The following SORCS3 variants were observed in gnomAD, a reference collection of about 807,000 sequenced individuals.
The protein encoded by SORCS3 is sortilin related VPS10 domain containing receptor 3.
SORCS3 carries 57 observed loss-of-function variants against 146.3 expected under a neutral mutation model. That is an observed-to-expected ratio of 0.39 (90% CI 0.31 to 0.49). The LOEUF (loss-of-function observed/expected upper bound fraction) is 0.49, where lower values mean the gene tolerates loss of function less well. Ranked by LOEUF, SORCS3 falls within the 20% of genes least tolerant of loss-of-function variation. The pLI, the probability that SORCS3 is intolerant of heterozygous loss-of-function variation, is 0.92. For missense variants in SORCS3, 1,341 were observed against 1,575.5 expected (o/e 0.85, Z 2.52); for synonymous variants, 653 against 618.5 (o/e 1.06, Z -0.83).
At chr10:104,902,806 T>C (rs1402361917) in intron 2 of SORCS3, among the ~76,000 whole-genome samples, 3 of 152,212 alleles carry the variant, frequency 2.0e-5, no homozygotes, top group African/African-American at 7.2e-5. Context: ...ATTATGCCCA[T>C]GTTAGATATG....
intron 3 of SORCS3, among the ~76,000 whole-genome samples, chr10:104,941,041 G>A (rs2019315539): frequency 6.6e-6 from 1 of 152,152 alleles, no homozygotes; most frequent in African/African-American, 2.4e-5. Flanking sequence ...CATGGCATTT[G>A]TAAACTGCCA....
At chr10:104,770,660 A>T (rs1221102202) in intron 1 of SORCS3, among the ~76,000 whole-genome samples, 1 of 151,810 alleles carries the variant, frequency 6.6e-6, no homozygotes, top group Non-Finnish European at 1.5e-5. Flanking sequence ...TCTCTACCAA[A>T]AAAATAAAAT....
intron 3 of SORCS3, among the ~76,000 whole-genome samples, chr10:104,934,181 C>A (rs908104562): frequency 6.6e-6 from 1 of 152,092 alleles, no homozygotes. Context: ...ATTCCCAAAG[C>A]GCTATGGCAG....
chr10:105,116,595 C>T (rs1216726616), intron 7 of SORCS3, among the ~76,000 whole-genome samples: 1 of 152,032 alleles, frequency 6.6e-6, no homozygotes, highest in Non-Finnish European at 1.5e-5. Flanking sequence ...ATGTGTTCAT[C>T]ACAGCTTTGT....
intron 7 of SORCS3, among the ~76,000 whole-genome samples, chr10:105,131,402 GA>G (rs2056017360): frequency 1.3e-5 from 2 of 152,112 alleles, no homozygotes; most frequent in South Asian, 4.1e-4. Context: ...CCTCTAACTG[GA>G]AAAGCTTCCA....
intron 1 of SORCS3, among the ~76,000 whole-genome samples, chr10:104,827,396 C>G (rs1199788195): frequency 6.6e-6 from 1 of 152,126 alleles, no homozygotes; most frequent in Non-Finnish European, 1.5e-5. Context: ...ACATTAATAT[C>G]TTTGTACATC....
intron 17 of SORCS3, among the ~76,000 whole-genome samples, chr10:105,212,049 A>G (rs1207991959): frequency 6.6e-5 from 10 of 152,164 alleles, no homozygotes; most frequent in Non-Finnish European, 1.2e-4. Flanking sequence ...AACTCTCCCA[A>G]TGGATCTTCT....
chr10:104,871,749 C>G (rs976091160), intron 2 of SORCS3, among the ~76,000 whole-genome samples: 2 of 152,092 alleles, frequency 1.3e-5, no homozygotes, highest in African/African-American at 4.8e-5. Context: ...TACACGTGCC[C>G]CTGAGACACA....
chr10:105,132,875 T>C (rs906696697), intron 7 of SORCS3, among the ~76,000 whole-genome samples: 34 of 152,060 alleles, frequency 2.2e-4, no homozygotes, highest in African/African-American at 8.0e-4. Context: ...AAATAAAAGG[T>C]GTCACCGAAA....
intron 5 of SORCS3, among the ~76,000 whole-genome samples, chr10:105,062,511 G>A (rs1438377693): frequency 6.6e-6 from 1 of 152,160 alleles, no homozygotes; most frequent in Non-Finnish European, 1.5e-5. Context: ...TTTGGTGTTT[G>A]TGGGAGGGTA....
chr10:104,801,282 A>G (rs2133509598), intron 1 of SORCS3, among the ~76,000 whole-genome samples: 1 of 152,308 alleles, frequency 6.6e-6, no homozygotes, highest in South Asian at 2.1e-4. Flanking sequence ...CACTTCTATT[A>G]GTTTTCTGCT....
intron 2 of SORCS3, among the ~76,000 whole-genome samples, chr10:104,898,622 T>C (rs1216029913): frequency 6.6e-6 from 1 of 152,214 alleles, no homozygotes; most frequent in Non-Finnish European, 1.5e-5. Flanking sequence ...CCTTTATTCA[T>C]TGACTGAAAT....
intron 3 of SORCS3, among the ~76,000 whole-genome samples, chr10:104,954,291 G>A (rs2019464505): frequency 6.6e-6 from 1 of 152,064 alleles, no homozygotes; most frequent in Non-Finnish European, 1.5e-5. Flanking sequence ...AGTTTTGAAG[G>A]CTCTCTGTTC....
intron 3 of SORCS3, among the ~76,000 whole-genome samples, chr10:104,969,782 T>C (rs2054848623): frequency 6.6e-6 from 1 of 152,230 alleles, no homozygotes; most frequent in Non-Finnish European, 1.5e-5. Flanking sequence ...TGTTAGTGTA[T>C]GTGTGCTCAC....
chr10:104,921,589 G>C (rs2019088074), intron 3 of SORCS3, among the ~76,000 whole-genome samples: 1 of 151,554 alleles, frequency 6.6e-6, no homozygotes, highest in South Asian at 2.1e-4. Context: ...TCTTTCTATT[G>C]AGCTTCTAAT....
At chr10:104,770,921 G>T (rs1188025690) in intron 1 of SORCS3, among the ~76,000 whole-genome samples, 2 of 152,148 alleles carry the variant, frequency 1.3e-5, no homozygotes, top group Non-Finnish European at 2.9e-5. Flanking sequence ...CTATTTTAAT[G>T]TATAATCAAT....
At chr10:104,797,937 T>G (rs1014512390) in intron 1 of SORCS3, among the ~76,000 whole-genome samples, 1 of 152,152 alleles carries the variant, frequency 6.6e-6, no homozygotes, top group Non-Finnish European at 1.5e-5. Flanking sequence ...AGCTACTGAA[T>G]TAGCATTTTT....
At chr10:105,006,800 C>CA (rs1446194713) in intron 4 of SORCS3, among the ~76,000 whole-genome samples, 1 of 152,200 alleles carries the variant, frequency 6.6e-6, no homozygotes, top group Non-Finnish European at 1.5e-5. Flanking sequence ...ATGCCTTCCC[C>CA]AACCATCCTA....
At chr10:105,049,626 A>G (rs2055397428) in intron 5 of SORCS3, among the ~76,000 whole-genome samples, 1 of 152,114 alleles carries the variant, frequency 6.6e-6, no homozygotes, top group South Asian at 2.1e-4. Context: ...TATCATATCA[A>G]AATATACACA....
Sources: allele counts gnomAD v4.1 joint callset (sites outside exome capture counted in the v4.1 genomes callset), GRCh38; gene constraint gnomAD v4.1.1; transcripts MANE v1.5; gene names NCBI Gene and HGNC (gene_info 2026-07-23, HGNC 2026-07-21).